CHEK1: variants seen among roughly 807,000 people sequenced by gnomAD.
The protein encoded by CHEK1 is serine/threonine-protein kinase Chk1.
A neutral mutation model predicts 60.2 loss-of-function variants in CHEK1; 32 were observed. That is an observed-to-expected ratio of 0.53 (90% CI 0.40 to 0.71). The LOEUF is 0.71. Ranked by LOEUF, CHEK1 falls within the 30% of genes least tolerant of loss-of-function variation. The pLI is 0.00. For missense variants in CHEK1, 399 were observed against 564.6 expected, an observed-to-expected ratio of 0.71 and a Z score of 2.97; for synonymous variants, 179 against 187.2, an observed-to-expected ratio of 0.96 and a Z score of 0.36.
At chr11:125,655,171 ATTTTGT>A (rs1049065134) in intron 12 of CHEK1, 48 bp from the exon 13 acceptor site, 30 of 1,335,548 alleles carry the variant, frequency 2.2e-5, no homozygotes, top group African/African-American at 1.2e-4. Context: ...TTAGGACAGA[ATTTTGT>A]TTTTGTTTTT....
chr11:125,679,784 G>A (rs1202927291), downstream of CHEK1, among the ~76,000 whole-genome samples: 2 of 152,314 alleles, frequency 1.3e-5, no homozygotes, highest in Middle Eastern at 6.8e-3. Context: ...GCACAGTGCA[G>A]TACTTACAAT....
At chr11:125,627,956 A>T in intron 3 of CHEK1, 126 bp downstream of exon 3, 1 of 700,270 alleles carries the variant, frequency 1.4e-6, no homozygotes, top group Admixed American at 3.4e-5. Flanking sequence ...GGAATACATT[A>T]TCTTTAAAAA....
chr11:125,677,747 C>T (rs764320403), downstream of CHEK1: 5 of 1,602,844 alleles, frequency 3.1e-6, no homozygotes, highest in Admixed American at 1.7e-5. Flanking sequence ...GATGTGTTCC[C>T]CATTTCCCAC....
At chr11:125,644,715 A>G (rs1941435374) in intron 11 of CHEK1, 72 bp downstream of exon 11, 1 of 1,523,152 alleles carries the variant, frequency 6.6e-7, no homozygotes. Context: ...AGCTATCATT[A>G]GTATATTTTT....
Position 125,630,598 on chromosome 11 carries a change from G to A in CHEK1, c.424+1138G>A, listed in dbSNP as rs530431622. Among the ~76,000 whole-genome samples, 36 of 152,092 alleles carry A rather than the reference G, an allele frequency of 2.4e-4. 1 individual carries two copies. The highest frequency in any genetic ancestry group is 7.5e-4 in the African/African-American group (31 of 41,494). ...AGTGCTGGGATTATAGGTGTGAGCC[G>A]CTGTACCCAGCCTATACATGCTTTT... On this transcript the variant is annotated intron_variant, in intron 5 of 12. Coordinates refer to ENST00000438015, the MANE Select transcript of CHEK1 (RefSeq NM_001114122.3).
At chr11:125,668,787 G>T (rs939820233) in intron 13 of CHEK1, among the ~76,000 whole-genome samples, 8 of 152,006 alleles carry the variant, frequency 5.3e-5, no homozygotes, top group Non-Finnish European at 1.5e-5. Flanking sequence ...GAACTTCAGG[G>T]CTTAAGCAAT....
downstream of CHEK1, among the ~76,000 whole-genome samples, chr11:125,678,978 T>TATA (rs1555078666): frequency 4.5e-5 from 4 of 88,426 alleles, no homozygotes; most frequent in Admixed American, 1.4e-4. Context: ...TCTAGGCATA[T>TATA]TATATATATA....
intron 13 of CHEK1, among the ~76,000 whole-genome samples, chr11:125,666,002 A>T (rs1256420276): frequency 6.8e-6 from 1 of 146,662 alleles, no homozygotes; most frequent in African/African-American, 2.5e-5. Flanking sequence ...TTCTACATTG[A>T]TCTTTATTTC....
At chr11:125,678,976 TATTATATATA>T (rs1463406634), downstream of CHEK1, among the ~76,000 whole-genome samples, 1 of 18,490 alleles carries the variant, frequency 5.4e-5, no homozygotes, top group African/African-American at 2.4e-4. Context: ...AGTCTAGGCA[TATTATATATA>T]TATATATATA....
Position 125,655,457 on chromosome 11 carries a change from A to G in CHEK1, c.*137A>G, listed in dbSNP as rs1941878493. ...TGTTCACTTCCCTGTTTATCCAAACATCTTCCAATTTATTTTGTTTGTTCG... is the reference window on the plus strand; with the variant it reads ...TGTTCACTTCCCTGTTTATCCAAACGTCTTCCAATTTATTTTGTTTGTTCG... On this transcript the variant is annotated 3_prime_UTR_variant, in exon 13 of 13. Coordinates refer to ENST00000438015, the MANE Select transcript of CHEK1 (RefSeq NM_001114122.3). The G allele has an allele frequency of 5.7e-6, 3 of 526,314 alleles. No individual in the cohort carries two copies. Among genetic ancestry groups the G allele is most frequent in the East Asian group, 3.2e-5 (1 of 31,236 alleles). The allele number at this position is 526,314 out of a possible 1,614,324, so 32.6% of individuals were successfully genotyped here. A position where few individuals can be genotyped will look rare whatever the true frequency, so the allele number is the denominator to read the frequency against.
chr11:125,636,050 G>A (rs1356960012), intron 7 of CHEK1: 2 of 152,078 alleles, frequency 1.3e-5, no homozygotes, highest in Non-Finnish European at 2.9e-5. Context: ...TGGTATTTGT[G>A]TATCTAAGTA....
chr11:125,631,097 C>G (rs563239176), intron 5 of CHEK1, among the ~76,000 whole-genome samples: 9 of 151,984 alleles, frequency 5.9e-5, no homozygotes, highest in Middle Eastern at 6.8e-3. Flanking sequence ...TGCAGAAAAG[C>G]AAGGGTATAA....
At chr11:125,646,938 C>T (rs564880958) in intron 11 of CHEK1, among the ~76,000 whole-genome samples, 21 of 152,014 alleles carry the variant, frequency 1.4e-4, no homozygotes, top group East Asian at 9.6e-4. Context: ...TTGTTAGTGT[C>T]GTTTGATGTA....
downstream of CHEK1, chr11:125,677,869 C>T (rs1358522332): frequency 6.2e-7 from 1 of 1,613,772 alleles, no homozygotes; most frequent in African/African-American, 1.3e-5. Flanking sequence ...GGCTGTTCAC[C>T]CGAGGCCTGC....
chr11:125,654,198 C>T (rs968389463), intron 12 of CHEK1, among the ~76,000 whole-genome samples: 2 of 151,932 alleles, frequency 1.3e-5, no homozygotes, highest in African/African-American at 2.4e-5. Flanking sequence ...GGCGTGGTGG[C>T]GGGTGCCTGT....
intron 13 of CHEK1, among the ~76,000 whole-genome samples, chr11:125,668,057 A>C (rs1942129541): frequency 6.6e-6 from 1 of 152,234 alleles, no homozygotes; most frequent in Admixed American, 6.5e-5. Context: ...TTTCCTTAGA[A>C]TAAAGACCTT....
chr11:125,661,604 G>A (rs1001718435), downstream of CHEK1, among the ~76,000 whole-genome samples: 2 of 151,706 alleles, frequency 1.3e-5, no homozygotes, highest in East Asian at 1.9e-4. Flanking sequence ...GAGCCACCGC[G>A]CCCAACCTTG....
At chr11:125,679,950 A>G (rs1387807863), downstream of CHEK1, among the ~76,000 whole-genome samples, 1 of 152,202 alleles carries the variant, frequency 6.6e-6, no homozygotes, top group African/African-American at 2.4e-5. Context: ...TGATAAAGAG[A>G]TGTTTCTGAT....
rs189246566 is a variant in CHEK1 at position 125,643,934 on chromosome 11, G to A, written c.923+34G>A. 3,014 of 1,575,650 alleles carry A rather than the reference G, an allele frequency of 1.9e-3. 7 individuals are homozygous for A. Among genetic ancestry groups the A allele is most frequent in the Non-Finnish European group, 2.4e-3 (2,804 of 1,148,760 alleles). On this transcript the variant is annotated intron_variant, in intron 9 of 12. Coordinates refer to ENST00000438015, the MANE Select transcript of CHEK1 (RefSeq NM_001114122.3). Reference sequence around the variant, plus strand: ...GATAAAGATTGAGTAGTTTTTGATTGTAGTATTCCCCATGAAGAATAATAC... The same window carrying A: ...GATAAAGATTGAGTAGTTTTTGATTATAGTATTCCCCATGAAGAATAATAC...
Sources: allele counts gnomAD v4.1 joint callset (sites outside exome capture counted in the v4.1 genomes callset), GRCh38; gene constraint gnomAD v4.1.1; transcripts MANE v1.5; gene names NCBI Gene and HGNC (gene_info 2026-07-23, HGNC 2026-07-21).